COMMD10: variants seen among roughly 807,000 people sequenced by gnomAD.
COMMD10 encodes the protein COMM domain containing 10, also known as COMM domain-containing protein 10.
A neutral mutation model predicts 28.9 loss-of-function variants in COMMD10; 33 were observed. The ratio of observed to expected loss-of-function variants is 1.14; its 90% CI spans 0.87 to 1.53. COMMD10 has a LOEUF of 1.53. COMMD10 is among the 40% of genes most tolerant of loss of function. The pLI is 0.00. For synonymous variants in COMMD10, 110 were observed against 81.7 expected (o/e 1.35, Z -1.87); for missense variants, 310 against 233.4 (o/e 1.33, Z -2.14).
chr5:116,244,420 C>G (rs1749888299), intron 5 of COMMD10, among the ~76,000 whole-genome samples: 1 of 151,752 alleles, frequency 6.6e-6, no homozygotes, highest in South Asian at 2.1e-4. Context: ...GTACCAACAT[C>G]TATGTGAAGT....
intron 5 of COMMD10, chr5:116,217,914 CA>C (rs879104498): frequency 0.038 from 16,590 of 435,352 alleles, 7 homozygotes; most frequent in South Asian, 0.046. Context: ...CAGCATAGCT[CA>C]AAAAAAAAAA....
chr5:116,136,189 G>T (rs138623610), intron 5 of COMMD10, among the ~76,000 whole-genome samples: 348 of 151,832 alleles, frequency 2.3e-3, no homozygotes, highest in African/African-American at 7.6e-3. Flanking sequence ...CTTTTTTCTT[G>T]ATTATATTTT....
chr5:116,197,270 A>G (rs1748548735), intron 5 of COMMD10, among the ~76,000 whole-genome samples: 1 of 149,440 alleles, frequency 6.7e-6, no homozygotes, highest in South Asian at 2.1e-4. Context: ...ATTAACACCT[A>G]GGATAACATT....
intron 5 of COMMD10, among the ~76,000 whole-genome samples, chr5:116,285,809 G>A (rs939302114): frequency 3.3e-5 from 5 of 151,688 alleles, no homozygotes; most frequent in Non-Finnish European, 5.9e-5. Flanking sequence ...CAATACTTAC[G>A]GATATTGGTC....
intron 5 of COMMD10, among the ~76,000 whole-genome samples, chr5:116,240,276 G>C (rs1362267907): frequency 2.0e-5 from 3 of 151,902 alleles, no homozygotes; most frequent in Admixed American, 2.0e-4. Flanking sequence ...AGAAAGGTAA[G>C]GTGAGATGAG....
At chr5:116,160,701 AT>A (rs1301427795) in intron 5 of COMMD10, among the ~76,000 whole-genome samples, 1 of 152,184 alleles carries the variant, frequency 6.6e-6, no homozygotes, top group Non-Finnish European at 1.5e-5. Context: ...AGCCTGTATA[AT>A]TTTCTTGGTC....
chr5:116,211,520 G>A (rs769529963), intron 5 of COMMD10, among the ~76,000 whole-genome samples: 5 of 151,916 alleles, frequency 3.3e-5, no homozygotes, highest in Admixed American at 6.6e-5. Flanking sequence ...TAATCTTATG[G>A]GGCCACCATT....
rs539546238 is a variant in COMMD10, at chr5:116,271,838, C to G, written c.511-19679C>G. On this transcript the variant is annotated intron_variant, in intron 5 of 6. Coordinates refer to ENST00000274458, the MANE Select transcript of COMMD10 (RefSeq NM_016144.4). ...CATAATATTGCTCCATACAAACATTCCACTTTTACAAAATCATTTACTTTT... is the reference window on the plus strand; with the variant it reads ...CATAATATTGCTCCATACAAACATTGCACTTTTACAAAATCATTTACTTTT... 5.5e-4 allele frequency among the ~76,000 whole-genome samples: 84 copies of G among 151,960 alleles called. 2 individuals carry two copies. The highest frequency in any genetic ancestry group is 2.0e-3 in the African/African-American group (84 of 41,318).
chr5:116,135,318 T>C (rs17138924), intron 5 of COMMD10, among the ~76,000 whole-genome samples: 8,057 of 152,300 alleles, frequency 0.053, 291 homozygotes, highest in East Asian at 0.14. Context: ...CTTTCGCTAT[T>C]CATTCTATTA....
In COMMD10 at chr5:116,120,736, A is replaced by T. The variant is rs539228521; in HGVS notation, c.400-13332A>T. Among the ~76,000 whole-genome samples, 167 of 111,812 alleles carry T rather than the reference A, an allele frequency of 1.5e-3. 1 individual carries two copies. The highest frequency in any genetic ancestry group is 2.4e-3 in the Non-Finnish European group (135 of 55,294). 73.4% of individuals were successfully genotyped at this position (111,812 alleles called of 152,430 possible). A position where few individuals can be genotyped will look rare whatever the true frequency, so the allele number is the denominator to read the frequency against. ...TGATTTTGAGACTGATCATTTTGTT[A>T]CTTGTATTAGTACTTTTTTTTTTTT... On this transcript the variant is annotated intron_variant, in intron 4 of 6. Coordinates refer to ENST00000274458, the MANE Select transcript of COMMD10 (RefSeq NM_016144.4).
chr5:116,103,616 T>G (rs1466831995), intron 4 of COMMD10, among the ~76,000 whole-genome samples: 1 of 152,238 alleles, frequency 6.6e-6, no homozygotes, highest in Non-Finnish European at 1.5e-5. Flanking sequence ...AGGTTGCCTA[T>G]TCACTCTGAT....
At chr5:116,231,481 TG>T (rs1172909275) in intron 5 of COMMD10, among the ~76,000 whole-genome samples, 1 of 152,058 alleles carries the variant, frequency 6.6e-6, no homozygotes, top group Non-Finnish European at 1.5e-5. Context: ...CAGCGAGTCG[TG>T]GTTATATGGG....
intron 5 of COMMD10, among the ~76,000 whole-genome samples, chr5:116,136,310 G>A (rs895886106): frequency 2.0e-5 from 3 of 152,144 alleles, no homozygotes; most frequent in African/African-American, 7.2e-5. Context: ...TGATGATCTG[G>A]AACTCACTAG....
chr5:116,202,348 G>A (rs1231221661), intron 5 of COMMD10, among the ~76,000 whole-genome samples: 13 of 151,844 alleles, frequency 8.6e-5, no homozygotes, highest in East Asian at 1.9e-4. Flanking sequence ...ATAAACATAC[G>A]TGTGCATGTG....
At chr5:116,089,777 A>G (rs1750237763) in intron 2 of COMMD10, among the ~76,000 whole-genome samples, 1 of 152,164 alleles carries the variant, frequency 6.6e-6, no homozygotes, top group Non-Finnish European at 1.5e-5. Context: ...AAAGAAACAT[A>G]TGTATGTGAA....
Position 116,194,390 on chromosome 5 carries a change from T to A in COMMD10, c.510+60212T>A, listed in dbSNP as rs555313541. ...TAAATGAAACAAAAAGCTGATTCTT[T>A]GAAAAGATAAAAAAATTGATAGACC... On this transcript the variant is annotated intron_variant, in intron 5 of 6. Transcript: ENST00000274458. Among the ~76,000 whole-genome samples the A allele has an allele frequency of 6.6e-5, 10 of 152,142 alleles. No homozygotes were observed. The East Asian group carries it at 1.9e-3, about 29-fold the overall frequency.
rs140330301 is a variant in COMMD10, at chr5:116,270,489, G to A, written c.511-21028G>A. ...TGAATTTGGCGTCTGTATTTAGAAC[G>A]GTCTAGAGAATGGAGATACTGATGA... is the stretch of plus-strand genomic sequence containing the variant. On this transcript the variant is annotated intron_variant, in intron 5 of 6. Transcript: ENST00000274458. 2.6e-3 allele frequency among the ~76,000 whole-genome samples: 392 copies of A among 151,830 alleles called. 2 individuals carry two copies. The highest frequency in any genetic ancestry group is 4.4e-3 in the Non-Finnish European group (297 of 68,002).
At chr5:116,258,216 T>G (rs1750343639) in intron 5 of COMMD10, among the ~76,000 whole-genome samples, 1 of 151,792 alleles carries the variant, frequency 6.6e-6, no homozygotes, top group African/African-American at 2.4e-5. Context: ...TTACCGAATT[T>G]CAATACTCTT....
At chr5:116,248,762 A>C (rs1436068625) in intron 5 of COMMD10, among the ~76,000 whole-genome samples, 1 of 151,982 alleles carries the variant, frequency 6.6e-6, no homozygotes, top group Admixed American at 6.6e-5. Context: ...ATAAAAACAA[A>C]ATGTGTCATG....
Sources: allele counts gnomAD v4.1 joint callset (sites outside exome capture counted in the v4.1 genomes callset), GRCh38; gene constraint gnomAD v4.1.1; transcripts MANE v1.5; gene names NCBI Gene and HGNC (gene_info 2026-07-23, HGNC 2026-07-21).